Variants in GOLGA4 observed in about 807,000 individuals in gnomAD.
GOLGA4 encodes the protein golgin A4, also known as golgin subfamily A member 4.
GOLGA4 carries 169 observed loss-of-function variants against 265.9 expected under a neutral mutation model. The ratio of observed to expected loss-of-function variants is 0.64; its 90% CI spans 0.56 to 0.72. The LOEUF (loss-of-function observed/expected upper bound fraction) is 0.72, where lower values mean the gene tolerates loss of function less well. GOLGA4 is among the 30% of genes least tolerant of loss of function. The probability of loss-of-function intolerance (pLI) is 0.00; values close to 1 mark genes in which losing one functional copy is unlikely to be tolerated. For synonymous variants in GOLGA4, 923 were observed against 855.8 expected (o/e 1.08, Z -1.37); for missense variants, 2,482 against 2,483.4 (o/e 1.00, Z 0.01).
At chr3:37,305,014 G>T (rs748336575) in intron 10 of GOLGA4, among the ~76,000 whole-genome samples, 2 of 152,150 alleles carry the variant, frequency 1.3e-5, no homozygotes, top group East Asian at 3.9e-4. Context: ...CGCCTCCTGG[G>T]TCCAAGTGAT....
Position 37,347,286 on chromosome 3 carries a change from G to A in GOLGA4, c.6566G>A (p.Arg2189His), listed in dbSNP as rs770131510. Residue 2189 changes from arginine (R) to histidine (H), a missense_variant, in exon 21 of 24, where the codon CGT becomes CAT. Transcript: ENST00000361924. ...GTGCTTTTTGAGTATATGATGGGTC[G>A]TGAGACTAAGGTATAAATCATGTCT... is the stretch of plus-strand genomic sequence containing the variant. Reference protein sequence around the residue: ...RKVLFEYMMGRETKTMAKVIT... With the variant: ...RKVLFEYMMGHETKTMAKVIT... The A allele has an allele frequency of 5.1e-6, 8 of 1,568,974 alleles. No homozygotes were observed. The highest frequency in any genetic ancestry group is 6.1e-6 in the Non-Finnish European group (7 of 1,139,512).
At chr3:37,358,147 T>C (rs539119453) in intron 22 of GOLGA4, among the ~76,000 whole-genome samples, 1 of 152,342 alleles carries the variant, frequency 6.6e-6, no homozygotes, top group African/African-American at 2.4e-5. Context: ...GTTGACAGCG[T>C]GCAGCCCATG....
intron 10 of GOLGA4, among the ~76,000 whole-genome samples, 156 bp downstream of exon 10, chr3:37,302,488 T>C (rs568321421): frequency 6.6e-6 from 1 of 152,356 alleles, no homozygotes; most frequent in East Asian, 1.9e-4. Flanking sequence ...GAGGCAGAGG[T>C]TGGCAAACTG....
At chr3:37,277,368 C>T (rs2096822245) in intron 2 of GOLGA4, among the ~76,000 whole-genome samples, 3 of 152,094 alleles carry the variant, frequency 2.0e-5, no homozygotes, top group Admixed American at 2.0e-4. Context: ...TTCATAAATC[C>T]CCTCATAGGC....
chr3:37,333,158 G>A (rs1488321244), intron 16 of GOLGA4, among the ~76,000 whole-genome samples: 4 of 152,262 alleles, frequency 2.6e-5, no homozygotes, highest in Non-Finnish European at 4.4e-5. Flanking sequence ...CACAAGTAGG[G>A]GTGCTTACCA....
intron 18 of GOLGA4, 146 bp downstream of exon 18, chr3:37,337,309 A>G: frequency 1.6e-6 from 1 of 616,836 alleles, no homozygotes; most frequent in Non-Finnish European, 2.8e-6. Context: ...AGGTATTCTC[A>G]TGCCTTAGTC....
chr3:37,323,567 G>A, intron 13 of GOLGA4, 21 bp from the exon 14 acceptor site: 1 of 1,449,798 alleles, frequency 6.9e-7, no homozygotes, highest in Non-Finnish European at 9.3e-7. Flanking sequence ...TAATAAAAAT[G>A]CATCTGTTTT....
chr3:37,357,021 C>T (rs917899492), intron 22 of GOLGA4, among the ~76,000 whole-genome samples: 6 of 151,874 alleles, frequency 4.0e-5, no homozygotes, highest in South Asian at 2.1e-4. Flanking sequence ...AAAAACAAAT[C>T]GAATTGGTAA....
In GOLGA4 at chr3:37,328,512, G is replaced by A. The variant is rs1211003401; in HGVS notation, c.6036G>A (p.Leu2012=). The change falls in exon 15 of 24, where the codon CTG becomes CTA. Residue 2012 remains leucine, a synonymous_variant. Coordinates refer to ENST00000361924, the MANE Select transcript of GOLGA4 (RefSeq NM_002078.5). ...NTQLAQKEQE[L]EMTIKETINK... ...AGCTGGCACAAAAGGAACAAGAGCT[G>A]GAAATGACCATAAAAGAAACTATCA... 6.8e-6 allele frequency: 11 copies of A among 1,611,822 alleles called. No individual in the cohort carries two copies. The highest frequency in any genetic ancestry group is 8.5e-6 in the Non-Finnish European group (10 of 1,178,808).
At position 37,282,245 on chromosome 3, in the gene GOLGA4, A is replaced by G; in HGVS notation, c.450A>G (p.Leu150=). The change falls in exon 3 of 24, where the codon TTA becomes TTG. Residue 150 remains leucine (L), a synonymous_variant. Transcript: ENST00000361924. ...GGTTGCGAAGAATGGAACGAAGCTTAAGTAGCTACAGGGGAAAATATTCTG... is the reference window on the plus strand; with the variant it reads ...GGTTGCGAAGAATGGAACGAAGCTTGAGTAGCTACAGGGGAAAATATTCTG... ...IQRLRRMERS[L]SSYRGKYSEL... 1 of 1,614,092 alleles carries G rather than the reference A, an allele frequency of 6.2e-7. No homozygotes were observed. Among genetic ancestry groups the G allele is most frequent in the Non-Finnish European group, 8.5e-7 (1 of 1,179,936 alleles).
chr3:37,327,037 A>T lies in GOLGA4; in HGVS notation c.5151A>T (p.Ala1717=), dbSNP rs758351005. 3.7e-6 allele frequency: 6 copies of T among 1,613,944 alleles called. No homozygotes were observed. Among genetic ancestry groups the T allele is most frequent in the Non-Finnish European group, 5.1e-6 (6 of 1,179,840 alleles). ...IVPRSAKNVA[A]YTEQEEADSQ... The stretch of plus-strand genomic sequence containing the variant: ...CCAGATCAGCAAAAAATGTGGCAGC[A>T]TATACTGAACAAGAAGAAGCAGATT... The change falls in exon 14 of 24, where the codon GCA becomes GCT. Residue 1717 remains alanine (A), a synonymous_variant. Transcript: ENST00000361924.
intron 10 of GOLGA4, among the ~76,000 whole-genome samples, chr3:37,313,195 T>A (rs1253668666): frequency 2.6e-5 from 4 of 152,002 alleles, no homozygotes; most frequent in Non-Finnish European, 5.9e-5. Flanking sequence ...AGAATGAGAC[T>A]CCATCTCAAA....
chr3:37,300,305 G>C (rs1046891894), intron 9 of GOLGA4, among the ~76,000 whole-genome samples: 2 of 152,174 alleles, frequency 1.3e-5, no homozygotes, highest in South Asian at 4.1e-4. Flanking sequence ...CTCCCAGTTT[G>C]TTCCATAGCA....
intron 22 of GOLGA4, among the ~76,000 whole-genome samples, chr3:37,356,674 C>G (rs914689524): frequency 3.3e-5 from 5 of 152,024 alleles, no homozygotes; most frequent in Admixed American, 6.6e-5. Context: ...AGAAATTTTT[C>G]CTTTACTGAG....
rs1032602170 is a variant in GOLGA4 at position 37,299,142 on chromosome 3, G to A, written c.1002+122G>A. 23 of 962,596 alleles carry A rather than the reference G, an allele frequency of 2.4e-5. 1 individual carries two copies. The South Asian group carries it at 2.5e-4, about 10-fold the overall frequency. 59.6% of individuals were successfully genotyped at this position (962,596 alleles called of 1,614,324 possible). ...GGAAAGGGCATTTTTGTTTGCCCTG[G>A]CCTACATAACACCAAACCTTGAGAC... On this transcript the variant is annotated intron_variant, in intron 8 of 23. Coordinates refer to ENST00000361924, the MANE Select transcript of GOLGA4 (RefSeq NM_002078.5).
intron 2 of GOLGA4, among the ~76,000 whole-genome samples, chr3:37,278,246 CTGGAGCGTAA>C (rs1559373860): frequency 6.6e-6 from 1 of 150,764 alleles, no homozygotes; most frequent in African/African-American, 2.4e-5. Flanking sequence ...TTTGCCCAGG[CTGGAGCGTAA>C]TGGCGTGATC....
intron 21 of GOLGA4, among the ~76,000 whole-genome samples, chr3:37,351,887 T>G (rs1044970057): frequency 6.6e-6 from 1 of 152,046 alleles, no homozygotes; most frequent in Non-Finnish European, 1.5e-5. Context: ...TTTGGGATGG[T>G]AAATGAGCAT....
At chr3:37,292,695 A>AGGT (rs1050306597) in intron 5 of GOLGA4, among the ~76,000 whole-genome samples, 35 of 120,156 alleles carry the variant, frequency 2.9e-4, no homozygotes, top group Non-Finnish European at 6.4e-4. Context: ...AAAAAAAAAA[A>AGGT]GGTTTTAGTA....
Position 37,335,066 on chromosome 3 carries a change from A to C in GOLGA4, c.6206A>C (p.Glu2069Ala). 6.3e-7 allele frequency: 1 copy of C among 1,591,400 alleles called. No homozygotes were observed. Among genetic ancestry groups the C allele is most frequent in the Non-Finnish European group, 8.6e-7 (1 of 1,163,194 alleles). Reference protein sequence around the residue: ...YEEILDAREEEMTAKVRDLQT... With the variant: ...YEEILDAREEAMTAKVRDLQT... The stretch of plus-strand genomic sequence containing the variant: ...TAAATCCTAAAGGCTCGTGAAGAAG[A>C]AATGACTGCAAAAGTAAGGGACCTG... The change falls in exon 17 of 24, where the codon GAA becomes GCA. Residue 2069 changes from glutamate to alanine, a missense_variant. By Grantham distance (107) the Glu-to-Ala change is moderately radical. Around this residue, in one of 3 missense-constraint regions of GOLGA4, gnomAD observed 942 missense variants for 983.1 expected, o/e 0.96. Coordinates refer to ENST00000361924, the MANE Select transcript of GOLGA4 (RefSeq NM_002078.5).
Sources: allele counts gnomAD v4.1 joint callset (sites outside exome capture counted in the v4.1 genomes callset), GRCh38; gene constraint gnomAD v4.1.1; regional missense constraint gnomAD v4.1.1; transcripts MANE v1.5; gene names NCBI Gene and HGNC (gene_info 2026-07-23, HGNC 2026-07-21).